RBFOX1: variants seen among roughly 807,000 people sequenced by gnomAD.
The protein encoded by RBFOX1 is RNA binding protein fox-1 homolog 1.
A neutral mutation model predicts 57.7 loss-of-function variants in RBFOX1; 8 were observed. The observed-to-expected ratio is 0.14, with a 90% CI of 0.08 to 0.25. The LOEUF (loss-of-function observed/expected upper bound fraction) is 0.25. Among genes scored for constraint, RBFOX1 ranks in the 10% least tolerant of loss-of-function variants. The pLI, the probability that RBFOX1 is intolerant of heterozygous loss-of-function variation, is 1.00. For synonymous variants in RBFOX1, 326 were observed against 222.4 expected, an observed-to-expected ratio of 1.47 and a Z score of -4.15; for missense variants, 611 against 548.5, an observed-to-expected ratio of 1.11 and a Z score of -1.14.
intron 4 of RBFOX1, among the ~76,000 whole-genome samples, chr16:6,007,507 A>AC: frequency 6.6e-6 from 1 of 152,176 alleles, no homozygotes; most frequent in African/African-American, 2.4e-5. Context: ...CTTGCCAGAG[A>AC]CCTTGAACGA....
At chr16:7,502,402 G>A (rs1177589590) in intron 4 of RBFOX1, among the ~76,000 whole-genome samples, 2 of 152,124 alleles carry the variant, frequency 1.3e-5, no homozygotes, top group Non-Finnish European at 2.9e-5. Flanking sequence ...CAGATGCTTG[G>A]CTTTGTGCAT....
chr16:6,619,953 AG>A (rs1412322998), intron 2 of RBFOX1, among the ~76,000 whole-genome samples: 1 of 152,082 alleles, frequency 6.6e-6, no homozygotes, highest in Admixed American at 6.6e-5. Context: ...AGTGAGAACA[AG>A]GAATATTTGA....
intron 3 of RBFOX1, among the ~76,000 whole-genome samples, chr16:5,803,812 G>C (rs751154790): frequency 1.6e-4 from 24 of 152,090 alleles, no homozygotes; most frequent in Non-Finnish European, 3.2e-4. Context: ...TTAAAGGTCT[G>C]GGATTGCAGA....
intron 3 of RBFOX1, among the ~76,000 whole-genome samples, chr16:6,797,195 C>G (rs775849506): frequency 6.6e-6 from 1 of 152,154 alleles, no homozygotes; most frequent in Admixed American, 6.5e-5. Context: ...TCTGAGTCGC[C>G]TATGTTTACT....
chr16:5,750,232 G>A (rs572187773), intron 3 of RBFOX1, among the ~76,000 whole-genome samples: 32 of 152,234 alleles, frequency 2.1e-4, no homozygotes, highest in Admixed American at 3.3e-4. Context: ...TGGAAGCTTC[G>A]TCTCAGAGGG....
At chr16:6,526,779 G>GAGATC (rs980707129) in intron 2 of RBFOX1, among the ~76,000 whole-genome samples, 2 of 125,312 alleles carry the variant, frequency 1.6e-5, no homozygotes, top group African/African-American at 5.9e-5. Context: ...GCAGCGAGCC[G>GAGATC]AGATTGCACT....
chr16:5,743,907 G>T (rs1308117556), intron 3 of RBFOX1, among the ~76,000 whole-genome samples: 4 of 152,264 alleles, frequency 2.6e-5, no homozygotes, highest in Non-Finnish European at 5.9e-5. Flanking sequence ...CATACGGAAG[G>T]TCTCAAGAAC....
At chr16:7,317,703 T>A (rs1332576738) in intron 4 of RBFOX1, among the ~76,000 whole-genome samples, 1 of 152,194 alleles carries the variant, frequency 6.6e-6, no homozygotes, top group Non-Finnish European at 1.5e-5. Context: ...TGAAGTGCAT[T>A]CACGGGAATG....
At chr16:7,383,882 C>A (rs1443941017) in intron 4 of RBFOX1, among the ~76,000 whole-genome samples, 1 of 151,788 alleles carries the variant, frequency 6.6e-6, no homozygotes, top group African/African-American at 2.4e-5. Context: ...TGGTGAAATA[C>A]CATCTACTAA....
At chr16:5,434,170 T>C (rs2067840919) in intron 1 of RBFOX1, among the ~76,000 whole-genome samples, 1 of 152,068 alleles carries the variant, frequency 6.6e-6, no homozygotes. Context: ...TACATTATTG[T>C]TGTAAGAGTA....
chr16:5,916,596 G>C (rs2058708741), intron 4 of RBFOX1, among the ~76,000 whole-genome samples: 1 of 152,040 alleles, frequency 6.6e-6, no homozygotes, highest in Non-Finnish European at 1.5e-5. Flanking sequence ...CTGCTTCCCA[G>C]CTTTGGAACT....
intron 3 of RBFOX1, among the ~76,000 whole-genome samples, chr16:6,740,769 C>T (rs1392591980): frequency 6.6e-6 from 1 of 152,132 alleles, no homozygotes; most frequent in East Asian, 1.9e-4. Flanking sequence ...TGAAAGACTC[C>T]ACTTTGTAAA....
At chr16:7,333,064 T>C in intron 4 of RBFOX1, 1 of 1,613,904 alleles carries the variant, frequency 6.2e-7, no homozygotes, top group Non-Finnish European at 8.5e-7. Context: ...TACCGGCAGC[T>C]CCTTACCTTC....
At chr16:6,923,919 C>G (rs1385806282) in intron 3 of RBFOX1, among the ~76,000 whole-genome samples, 2 of 151,994 alleles carry the variant, frequency 1.3e-5, no homozygotes, top group Admixed American at 6.6e-5. Context: ...ACCTGTAATC[C>G]CAGCACTTTG....
chr16:6,899,387 C>G (rs561586570), intron 3 of RBFOX1, among the ~76,000 whole-genome samples: 44 of 152,280 alleles, frequency 2.9e-4, no homozygotes, highest in African/African-American at 1.0e-3. Context: ...TTAAGGCCCT[C>G]TTGGCTCAAA....
chr16:5,466,198 T>G (rs973039252), intron 1 of RBFOX1, among the ~76,000 whole-genome samples: 1 of 152,246 alleles, frequency 6.6e-6, no homozygotes, highest in Non-Finnish European at 1.5e-5. Flanking sequence ...TGTTCTTGGC[T>G]TGAAGAGTGA....
chr16:7,164,517 T>C (rs934499462), intron 4 of RBFOX1, among the ~76,000 whole-genome samples: 20 of 152,202 alleles, frequency 1.3e-4, no homozygotes, highest in African/African-American at 4.6e-4. Context: ...TATGTGTCTT[T>C]TGCAAAAATC....
intron 3 of RBFOX1, among the ~76,000 whole-genome samples, chr16:6,858,926 AAAGG>A (rs1282700160): frequency 6.6e-6 from 1 of 151,530 alleles, no homozygotes; most frequent in African/African-American, 2.4e-5. Context: ...CTGCATTTCT[AAAGG>A]AAGATATTAT....
At chr16:6,806,443 A>G (rs2086782088) in intron 3 of RBFOX1, among the ~76,000 whole-genome samples, 2 of 152,176 alleles carry the variant, frequency 1.3e-5, no homozygotes, top group South Asian at 4.1e-4. Flanking sequence ...TATGCTAACT[A>G]GAGCTAACAA....
Sources: allele counts gnomAD v4.1 joint callset (sites outside exome capture counted in the v4.1 genomes callset), GRCh38; gene constraint gnomAD v4.1.1; transcripts MANE v1.5; gene names NCBI Gene and HGNC (gene_info 2026-07-23, HGNC 2026-07-21).